The following PPP2R1B variants were observed in gnomAD, a reference collection of about 807,000 sequenced individuals.
PPP2R1B encodes the protein serine/threonine-protein phosphatase 2A 65 kDa regulatory subunit A beta isoform.
PPP2R1B carries 58 observed loss-of-function variants against 72.7 expected under a neutral mutation model. The observed-to-expected ratio is 0.80, with a 90% CI of 0.65 to 0.99. PPP2R1B has a LOEUF of 0.99. Ranked by LOEUF, PPP2R1B falls within the 50% of genes least tolerant of loss-of-function variation. PPP2R1B has a pLI of 0.00. For synonymous variants in PPP2R1B, 256 were observed against 264.6 expected (o/e 0.97, Z 0.32); for missense variants, 695 against 733.6 (o/e 0.95, Z 0.61).
the PPP2R1B span, among the ~76,000 whole-genome samples, chr11:111,688,414 G>A: frequency 5.3e-5 from 8 of 152,176 alleles, no homozygotes; most frequent in African/African-American, 1.7e-4. The surrounding 1 kb of genome is among the most constrained non-coding windows in gnomAD (Gnocchi z 4.2). Flanking sequence ...AGGGTTTCGG[G>A]GTGCTCTGCT....
chr11:111,690,962 T>A, the PPP2R1B span, among the ~76,000 whole-genome samples: 3 of 152,090 alleles, frequency 2.0e-5, no homozygotes, highest in East Asian at 5.8e-4. Context: ...CAGAGAAAGG[T>A]TATAGGTGTG....
chr11:111,727,838 CG>C (rs1360734981), intron 15 of PPP2R1B: 1 of 152,362 alleles, frequency 6.6e-6, no homozygotes, highest in African/African-American at 2.4e-5. Context: ...TGGAGACATG[CG>C]GGCAGTTGAG....
At chr11:111,761,740 C>CT (rs1460874312) in intron 3 of PPP2R1B, among the ~76,000 whole-genome samples, 2 of 152,166 alleles carry the variant, frequency 1.3e-5, no homozygotes, top group African/African-American at 4.8e-5. Flanking sequence ...GGGCAGATCA[C>CT]TTGAGGTCAG....
the PPP2R1B span, among the ~76,000 whole-genome samples, chr11:111,697,851 GA>G: frequency 2.0e-5 from 3 of 151,090 alleles, no homozygotes; most frequent in East Asian, 3.9e-4. Context: ...AAGAAAAAAG[GA>G]AAAAAAAATT....
At chr11:111,756,223 GA>G (rs201724599) in intron 5 of PPP2R1B, among the ~76,000 whole-genome samples, 2 of 142,144 alleles carry the variant, frequency 1.4e-5, no homozygotes, top group Admixed American at 7.0e-5. Flanking sequence ...AAACAAAAAG[GA>G]AAAAAAAAAA....
chr11:111,722,042 G>T, downstream of PPP2R1B: 1 of 831,924 alleles, frequency 1.2e-6, no homozygotes, highest in Non-Finnish European at 1.8e-6. The surrounding 1 kb of genome is among the most constrained non-coding windows in gnomAD (Gnocchi z 4.4). Flanking sequence ...TAGGGTAGCT[G>T]CTTGATTCCT....
At chr11:111,765,215 T>C (rs1468728017) in intron 2 of PPP2R1B, 79 bp downstream of exon 2, 1 of 1,375,138 alleles carries the variant, frequency 7.3e-7, no homozygotes, top group Non-Finnish European at 1.0e-6. Context: ...ATGTGGGTAA[T>C]AAACTCTAAA....
chr11:111,706,432 G>A, the PPP2R1B span, among the ~76,000 whole-genome samples: 1 of 152,068 alleles, frequency 6.6e-6, no homozygotes, highest in African/African-American at 2.4e-5. Flanking sequence ...GAGATGAATG[G>A]TTGGTTAGTA....
At position 111,739,317 on chromosome 11, in the gene PPP2R1B, G is replaced by A. The variant is rs1199280299; in HGVS notation, c.*2279C>T. The A allele has an allele frequency of 1.0e-6, 1 of 978,486 alleles. No homozygotes were observed. The highest frequency in any genetic ancestry group is 1.2e-6 in the Non-Finnish European group (1 of 825,800). 60.6% of individuals were successfully genotyped at this position (978,486 alleles called of 1,614,324 possible). ...CCTATATTCCAGTGAAATCAAGATA[G>A]GAGAACTTTTCCCTTAAGTTTAAGG... is the stretch of plus-strand genomic sequence containing the variant. On this transcript the variant is annotated 3_prime_UTR_variant, in exon 15 of 15. Transcript: ENST00000527614.
At chr11:111,713,809 A>G in the PPP2R1B span, among the ~76,000 whole-genome samples, 4 of 152,190 alleles carry the variant, frequency 2.6e-5, no homozygotes, top group Admixed American at 2.0e-4. Flanking sequence ...TCTACTAAAA[A>G]TACAAAAATT....
the PPP2R1B span, among the ~76,000 whole-genome samples, chr11:111,696,725 G>T: frequency 6.6e-6 from 1 of 152,168 alleles, no homozygotes; most frequent in Non-Finnish European, 1.5e-5. Flanking sequence ...ATTTTGTGTT[G>T]TTGCAAGACT....
the PPP2R1B span, among the ~76,000 whole-genome samples, chr11:111,692,418 T>G: frequency 8.5e-4 from 87 of 102,804 alleles, no homozygotes; most frequent in African/African-American, 2.8e-3. Flanking sequence ...GAGAGAGAGA[T>G]AGAGATCGAG....
chr11:111,763,048 G>A (rs1945385879), intron 3 of PPP2R1B, among the ~76,000 whole-genome samples: 1 of 152,118 alleles, frequency 6.6e-6, no homozygotes, highest in Non-Finnish European at 1.5e-5. Flanking sequence ...GTACTCTATA[G>A]AAAAAAGGAG....
Position 111,740,137 on chromosome 11 carries a change from AGATGCACT to A in PPP2R1B, c.*1451_*1458del. On this transcript the variant is annotated 3_prime_UTR_variant, in exon 15 of 15. Transcript: ENST00000527614. ...AGGGTAACAAGCAAACCTCATAGCA[AGATGCACT>A]GAGAGAAAAATAAACTATGGGAAAA... The A allele has an allele frequency of 1.0e-6, 1 of 985,312 alleles. No individual in the cohort carries two copies. Among genetic ancestry groups the A allele is most frequent in the Non-Finnish European group, 1.2e-6 (1 of 829,790 alleles). The allele number at this position is 985,312 out of a possible 1,614,324, so 61.0% of individuals were successfully genotyped here.
intron 11 of PPP2R1B, among the ~76,000 whole-genome samples, chr11:111,745,950 T>C (rs1944689632): frequency 6.6e-6 from 1 of 152,244 alleles, no homozygotes; most frequent in Admixed American, 6.5e-5. Flanking sequence ...GAGCTGTTAT[T>C]TCATTGGTTC....
chr11:111,730,533 T>C (rs551116329), intron 15 of PPP2R1B: 2 of 152,346 alleles, frequency 1.3e-5, no homozygotes, highest in Non-Finnish European at 2.9e-5. Context: ...TGCTGGATGT[T>C]TGGTCTGAAA....
At chr11:111,701,634 G>A in the PPP2R1B span, 3 of 1,569,682 alleles carry the variant, frequency 1.9e-6, no homozygotes, top group South Asian at 3.6e-5. The surrounding 1 kb of genome is among the most constrained non-coding windows in gnomAD (Gnocchi z 4.2). Context: ...CAAGTGAAAT[G>A]CCTAGGTAAA....
chr11:111,708,165 T>C, the PPP2R1B span, among the ~76,000 whole-genome samples: 63 of 152,274 alleles, frequency 4.1e-4, 1 homozygote, highest in East Asian at 0.012. Context: ...GTGGTTTGCT[T>C]GAACCCAGGA....
intron 1 of PPP2R1B, among the ~76,000 whole-genome samples, chr11:111,765,633 A>C (rs1419813482): frequency 6.6e-6 from 1 of 152,244 alleles, no homozygotes; most frequent in Non-Finnish European, 1.5e-5. Flanking sequence ...AAGGAAAGAC[A>C]ATACAACACC....
Sources: gnomAD v4.1 joint callset for allele counts (sites outside exome capture counted in the v4.1 genomes callset) on GRCh38, gnomAD v4.1.1 for gene constraint, Gnocchi (gnomAD v3.1) non-coding constraint, MANE v1.5 for transcripts, NCBI Gene and HGNC (gene_info 2026-07-23, HGNC 2026-07-21) for gene names.